Variants in C8orf34 observed in about 807,000 individuals in gnomAD.
C8orf34 encodes the protein uncharacterized protein C8orf34.
In C8orf34, 65 loss-of-function variants were observed where a neutral mutation model predicts 68.3. The observed-to-expected ratio is 0.95, with a 90% CI of 0.78 to 1.17. The LOEUF is 1.17. Among genes scored for constraint, C8orf34 ranks in the 50% most tolerant of loss-of-function variants. The probability of loss-of-function intolerance (pLI) is 0.00; values close to 1 mark genes in which losing one functional copy is unlikely to be tolerated. For synonymous variants in C8orf34, 244 were observed against 241.2 expected, an observed-to-expected ratio of 1.01 and a Z score of -0.11; for missense variants, 664 against 655.4, an observed-to-expected ratio of 1.01 and a Z score of -0.14.
chr8:68,687,100 C>CA (rs1254709893), intron 8 of C8orf34, among the ~76,000 whole-genome samples: 2 of 151,944 alleles, frequency 1.3e-5, no homozygotes, highest in East Asian at 3.9e-4. Flanking sequence ...AAAACACTGC[C>CA]AAAAAGAAAA....
intron 8 of C8orf34, among the ~76,000 whole-genome samples, chr8:68,685,504 G>A (rs1206151757): frequency 3.9e-5 from 6 of 152,076 alleles, no homozygotes; most frequent in Non-Finnish European, 8.8e-5. Context: ...GTCCTTACAT[G>A]TAATACTCAA....
intron 10 of C8orf34, among the ~76,000 whole-genome samples, chr8:68,734,730 T>G (rs1284083423): frequency 1.3e-5 from 2 of 152,264 alleles, no homozygotes; most frequent in East Asian, 3.9e-4. Context: ...GTTAAGGCGG[T>G]CACACTCATC....
At chr8:68,670,895 T>C (rs573521071) in intron 8 of C8orf34, among the ~76,000 whole-genome samples, 2 of 152,350 alleles carry the variant, frequency 1.3e-5, no homozygotes, top group East Asian at 3.9e-4. Flanking sequence ...ATGAAAATTA[T>C]TATAAATTGT....
At chr8:68,532,914 C>A in intron 6 of C8orf34, 69 bp from the exon 7 acceptor site, 1 of 1,169,710 alleles carries the variant, frequency 8.5e-7, no homozygotes, top group Non-Finnish European at 1.2e-6. Flanking sequence ...AATAAAATAA[C>A]CAAATGGAAA....
intron 1 of C8orf34, among the ~76,000 whole-genome samples, chr8:68,407,429 A>G (rs1209961243): frequency 6.6e-6 from 1 of 152,080 alleles, no homozygotes; most frequent in Non-Finnish European, 1.5e-5. Context: ...TGTTTTTTTA[A>G]CATCCAGTTT....
chr8:68,489,268 G>T (rs1306418777), intron 5 of C8orf34, among the ~76,000 whole-genome samples: 1 of 152,108 alleles, frequency 6.6e-6, no homozygotes, highest in Non-Finnish European at 1.5e-5. Flanking sequence ...ATCAATATTT[G>T]GTGAATACTG....
intron 1 of C8orf34, among the ~76,000 whole-genome samples, chr8:68,369,701 C>G (rs541904387): frequency 3.3e-5 from 5 of 151,694 alleles, no homozygotes; most frequent in African/African-American, 1.2e-4. Flanking sequence ...CAACAGCAAA[C>G]CAGAAGCTGT....
intron 11 of C8orf34, among the ~76,000 whole-genome samples, chr8:68,780,118 A>G (rs77292246): frequency 0.062 from 9,500 of 152,270 alleles, 536 homozygotes; most frequent in East Asian, 0.3. Context: ...ATCACTATCC[A>G]TAGGATAACA....
chr8:68,560,657 A>G (rs902360745), intron 7 of C8orf34, among the ~76,000 whole-genome samples: 3 of 152,190 alleles, frequency 2.0e-5, no homozygotes, highest in Non-Finnish European at 4.4e-5. Context: ...ATTGTAATGC[A>G]ATGGTAAGTA....
intron 7 of C8orf34, among the ~76,000 whole-genome samples, chr8:68,627,346 T>A (rs367825175): frequency 1.3e-5 from 2 of 152,154 alleles, no homozygotes; most frequent in South Asian, 4.1e-4. Flanking sequence ...TCTGACGTTG[T>A]CTCTAGATTT....
intron 1 of C8orf34, among the ~76,000 whole-genome samples, chr8:68,414,882 T>C (rs1006963411): frequency 2.0e-5 from 3 of 152,152 alleles, no homozygotes; most frequent in Admixed American, 2.0e-4. Flanking sequence ...AACTGCCAAT[T>C]CCAACATTCA....
chr8:68,360,685 T>C (rs1247802544), intron 1 of C8orf34, among the ~76,000 whole-genome samples: 2 of 152,118 alleles, frequency 1.3e-5, no homozygotes, highest in East Asian at 3.9e-4. Context: ...TTCTTCCCAA[T>C]ATATATAATG....
In C8orf34 at chr8:68,331,325, G is replaced by C; in HGVS notation, c.313G>C (p.Gly105Arg). 1.3e-6 allele frequency: 2 copies of C among 1,536,444 alleles called. No individual in the cohort carries two copies. Among genetic ancestry groups the C allele is most frequent in the Non-Finnish European group, 1.7e-6 (2 of 1,146,992 alleles). Residue 105 changes from glycine (G) to arginine (R), a missense_variant, in exon 1 of 14, where the codon GGT becomes CGT. Gly to Arg is a moderately radical substitution (Grantham distance 125, BLOSUM62 -2). Transcript: ENST00000518698. ...IQAYLEKNKIGPLFEELMTKL... is the reference protein window; with the variant it reads ...IQAYLEKNKIRPLFEELMTKL... ...GGCTTACCTGGAGAAGAACAAGATC[G>C]GTCCCCTGTTTGAGGTAAGGCGCTG...
intron 1 of C8orf34, among the ~76,000 whole-genome samples, chr8:68,432,359 G>A (rs1810484718): frequency 6.6e-6 from 1 of 151,928 alleles, no homozygotes. Context: ...GCCCCGGGCT[G>A]GAGTGCAGAG....
chr8:68,606,138 G>A (rs1817846906), intron 7 of C8orf34, among the ~76,000 whole-genome samples: 1 of 152,106 alleles, frequency 6.6e-6, no homozygotes, highest in South Asian at 2.1e-4. Context: ...ACGCATAAAT[G>A]ATGGATTGAG....
Position 68,818,230 on chromosome 8 carries a change from C to A in C8orf34, c.1610-9C>A. 6.2e-7 allele frequency: 1 copy of A among 1,612,176 alleles called. No individual in the cohort carries two copies. The highest frequency in any genetic ancestry group is 1.1e-5 in the South Asian group (1 of 90,950). On this transcript the variant is annotated splice_polypyrimidine_tract_variant and intron_variant, in intron 13 of 13. Coordinates refer to ENST00000518698, the MANE Select transcript of C8orf34 (RefSeq NM_052958.4). ...GCACATTTTCTTCTGTTTCATTTCT[C>A]CTCTGCAGGTTTGTGAAACAGAGAG...
chr8:68,390,819 A>G (rs2676655), intron 1 of C8orf34, among the ~76,000 whole-genome samples: 13,084 of 152,122 alleles, frequency 0.086, 654 homozygotes, highest in Middle Eastern at 0.12. Context: ...GGCTCATGTG[A>G]TTTTGGAGGC....
chr8:68,809,414 C>T (rs1303396504), intron 12 of C8orf34, among the ~76,000 whole-genome samples: 5 of 152,106 alleles, frequency 3.3e-5, no homozygotes, highest in African/African-American at 7.2e-5. Flanking sequence ...AGAGTGACCT[C>T]TCTATTAGAT....
chr8:68,510,232 C>A (rs563226297), intron 5 of C8orf34, among the ~76,000 whole-genome samples: 61 of 152,270 alleles, frequency 4.0e-4, no homozygotes, highest in African/African-American at 1.4e-3. Context: ...CCTCCTCCTG[C>A]AAGGGAGAGG....
Sources: allele counts gnomAD v4.1 joint callset (sites outside exome capture counted in the v4.1 genomes callset), GRCh38; gene constraint gnomAD v4.1.1; transcripts MANE v1.5; gene names NCBI Gene and HGNC (gene_info 2026-07-23, HGNC 2026-07-21).